The following SOS1 variants were observed in gnomAD, a reference collection of about 807,000 sequenced individuals.
SOS1 encodes son of sevenless homolog 1.
SOS1 carries 25 observed loss-of-function variants against 157.6 expected under a neutral mutation model. The ratio of observed to expected loss-of-function variants is 0.16; its 90% CI spans 0.12 to 0.22. The LOEUF (loss-of-function observed/expected upper bound fraction) is 0.22. Among genes scored for constraint, SOS1 ranks in the 10% least tolerant of loss-of-function variants. SOS1 has a pLI of 1.00. For missense variants in SOS1, 1,237 were observed against 1,599.1 expected (o/e 0.77, Z 3.86); for synonymous variants, 528 against 534.0 (o/e 0.99, Z 0.16).
intron 1 of SOS1, among the ~76,000 whole-genome samples, chr2:39,070,296 C>T (rs1054602208): frequency 4.6e-5 from 7 of 152,176 alleles, no homozygotes; most frequent in Non-Finnish European, 1.0e-4. Context: ...ATGCTACCAC[C>T]ACATGGTAGG....
chr2:39,086,002 G>T (rs542507995), intron 1 of SOS1, among the ~76,000 whole-genome samples: 25 of 152,264 alleles, frequency 1.6e-4, no homozygotes, highest in African/African-American at 6.0e-4. Flanking sequence ...TAAAATCTTT[G>T]TTCTTTCAAT....
rs984891983 is a variant in SOS1, at chr2:38,985,650, T to C, written c.*174A>G. 1 of 751,198 alleles carries C rather than the reference T, an allele frequency of 1.3e-6. No homozygotes were observed. The highest frequency in any genetic ancestry group is 1.7e-5 in the African/African-American group (1 of 57,186). 46.5% of individuals were successfully genotyped at this position (751,198 alleles called of 1,614,324 possible). A position where few individuals can be genotyped will look rare whatever the true frequency, so the allele number is the denominator to read the frequency against. On this transcript the variant is annotated 3_prime_UTR_variant, in exon 23 of 23. Coordinates refer to ENST00000402219, the MANE Select transcript of SOS1 (RefSeq NM_005633.4). ...TCCATATTCTAAACTGGAATACCATTTCCATTGTATAATTACATCTAGGTT... is the reference window on the plus strand; with the variant it reads ...TCCATATTCTAAACTGGAATACCATCTCCATTGTATAATTACATCTAGGTT...
At position 39,010,006 on chromosome 2, in the gene SOS1, A is replaced by G. The variant is rs1303627703; in HGVS notation, c.2510+578T>C. On this transcript the variant is annotated intron_variant, in intron 15 of 22. Coordinates refer to ENST00000402219, the MANE Select transcript of SOS1 (RefSeq NM_005633.4). Reference sequence around the variant, plus strand: ...GAAAGGAGGAATAGAGGAAAAAGACATGAGACATATAGAAATAAAATTGCA... The same window carrying G: ...GAAAGGAGGAATAGAGGAAAAAGACGTGAGACATATAGAAATAAAATTGCA... Among the ~76,000 whole-genome samples, 9 of 152,338 alleles carry G rather than the reference A, an allele frequency of 5.9e-5. No individual in the cohort carries two copies. In the East Asian group the frequency reaches 1.5e-3, roughly 26 times the overall value.
intron 1 of SOS1, among the ~76,000 whole-genome samples, chr2:39,104,258 G>A (rs1428206564): frequency 1.3e-5 from 2 of 152,022 alleles, no homozygotes; most frequent in African/African-American, 2.4e-5. Context: ...CTCCAGCCTG[G>A]GGGACAACAG....
chr2:38,991,039 C>G (rs1053320116), intron 20 of SOS1, among the ~76,000 whole-genome samples: 1 of 152,028 alleles, frequency 6.6e-6, no homozygotes, highest in Admixed American at 6.6e-5. Context: ...CATTAGAATC[C>G]TATGGGAAGT....
chr2:39,000,378 T>C (rs1669051636), intron 17 of SOS1, among the ~76,000 whole-genome samples: 1 of 152,242 alleles, frequency 6.6e-6, no homozygotes, highest in Non-Finnish European at 1.5e-5. Flanking sequence ...TATATGTGTG[T>C]ATGTATAACA....
chr2:39,085,880 G>T (rs1404847927), intron 1 of SOS1, among the ~76,000 whole-genome samples: 1 of 152,130 alleles, frequency 6.6e-6, no homozygotes, highest in Non-Finnish European at 1.5e-5. Flanking sequence ...AAGTACAATA[G>T]GGGAACTAGA....
intron 10 of SOS1, among the ~76,000 whole-genome samples, chr2:39,020,971 A>AT (rs752217881): frequency 2.4e-4 from 33 of 138,698 alleles, no homozygotes; most frequent in African/African-American, 7.0e-4. Context: ...TTTTAAAAAC[A>AT]TTTTTTTTAA....
chr2:38,989,740 C>G (rs1469430714), intron 20 of SOS1, among the ~76,000 whole-genome samples: 1 of 151,966 alleles, frequency 6.6e-6, no homozygotes, highest in Non-Finnish European at 1.5e-5. Flanking sequence ...AATTATATGT[C>G]TTTCAAAAAT....
At chr2:39,111,070 T>A (rs1195405445) in intron 1 of SOS1, among the ~76,000 whole-genome samples, 1 of 152,108 alleles carries the variant, frequency 6.6e-6, no homozygotes, top group African/African-American at 2.4e-5. Flanking sequence ...CTGTCTGTAA[T>A]AAAAATACAA....
At position 39,091,441 on chromosome 2, in the gene SOS1, T is replaced by C. The variant is rs185747909; in HGVS notation, c.88-23688A>G. Among the ~76,000 whole-genome samples the C allele has an allele frequency of 1.7e-3, 264 of 152,262 alleles. 2 individuals carry two copies. Among genetic ancestry groups the C allele is most frequent in the African/African-American group, 6.2e-3 (257 of 41,538 alleles). On this transcript the variant is annotated intron_variant, in intron 1 of 22. Transcript: ENST00000402219. ...CCAAATGAAAAATTCAACTTTCCCA[T>C]AGGTATAAATAATCGTCTATAAGCC...
chr2:39,038,068 C>T (rs1362089095), intron 6 of SOS1, among the ~76,000 whole-genome samples: 1 of 152,190 alleles, frequency 6.6e-6, no homozygotes, highest in Non-Finnish European at 1.5e-5. Context: ...TTTTGACCTT[C>T]AAGTTTTATT....
chr2:39,101,056 G>A (rs1400552735), intron 1 of SOS1, among the ~76,000 whole-genome samples: 1 of 152,176 alleles, frequency 6.6e-6, no homozygotes, highest in Non-Finnish European at 1.5e-5. Flanking sequence ...AGTTTTACTT[G>A]GCTAACAGTT....
chr2:39,048,021 AAAT>A (rs1488839456), intron 6 of SOS1, among the ~76,000 whole-genome samples: 1 of 152,142 alleles, frequency 6.6e-6, no homozygotes, highest in Non-Finnish European at 1.5e-5. Flanking sequence ...TGCATATTAC[AAAT>A]ATTATCTTCC....
chr2:39,001,090 G>A (rs1038693460), intron 17 of SOS1, among the ~76,000 whole-genome samples: 2 of 152,110 alleles, frequency 1.3e-5, no homozygotes, highest in East Asian at 1.9e-4. Context: ...ACAGAGTCTC[G>A]CCTTGTCACC....
intron 20 of SOS1, 73 bp downstream of exon 20, chr2:38,995,050 A>C: frequency 3.9e-6 from 5 of 1,282,752 alleles, no homozygotes; most frequent in Non-Finnish European, 5.7e-6. Context: ...AAAAAATAAC[A>C]GAGATTCTTT....
intron 17 of SOS1, among the ~76,000 whole-genome samples, chr2:39,004,299 G>A (rs1327847238): frequency 1.3e-5 from 2 of 149,954 alleles, no homozygotes; most frequent in Non-Finnish European, 3.0e-5. Flanking sequence ...GGCGCCTGTA[G>A]TCCCAGCTAC....
At chr2:39,024,501 G>T (rs192156632) in intron 8 of SOS1, among the ~76,000 whole-genome samples, 10 of 150,772 alleles carry the variant, frequency 6.6e-5, no homozygotes, top group Admixed American at 5.3e-4. Context: ...TTTTTTAAGT[G>T]TGGAATTTGG....
intron 6 of SOS1, among the ~76,000 whole-genome samples, chr2:39,042,120 T>C (rs1386612708): frequency 2.0e-5 from 3 of 152,190 alleles, no homozygotes; most frequent in Non-Finnish European, 4.4e-5. Flanking sequence ...TCTGGCTTCA[T>C]AGTAAGTCTT....
Sources: gnomAD v4.1 joint callset for allele counts (sites outside exome capture counted in the v4.1 genomes callset) on GRCh38, gnomAD v4.1.1 for gene constraint, MANE v1.5 for transcripts, NCBI Gene and HGNC (gene_info 2026-07-23, HGNC 2026-07-21) for gene names.